INSR: variants seen among roughly 807,000 people sequenced by gnomAD.
The protein encoded by INSR is IR.
A neutral mutation model predicts 142.6 loss-of-function variants in INSR; 67 were observed. The ratio of observed to expected loss-of-function variants is 0.47; its 90% CI spans 0.39 to 0.58. INSR has a LOEUF of 0.58. Among genes scored for constraint, INSR ranks in the 20% least tolerant of loss-of-function variants. The probability of loss-of-function intolerance (pLI) is 0.00; values close to 1 mark genes in which losing one functional copy is unlikely to be tolerated. For synonymous variants in INSR, 756 were observed against 743.1 expected, an observed-to-expected ratio of 1.02 and a Z score of -0.28; for missense variants, 1,248 against 1,833.2, an observed-to-expected ratio of 0.68 and a Z score of 5.83.
At chr19:7,173,057 C>T (rs983797146) in intron 4 of INSR, among the ~76,000 whole-genome samples, 6 of 152,082 alleles carry the variant, frequency 3.9e-5, no homozygotes, top group African/African-American at 1.4e-4. Flanking sequence ...TGAGTGGTTA[C>T]GGCAGAGACT....
chr19:7,207,668 A>C (rs59765738), intron 2 of INSR, among the ~76,000 whole-genome samples: 59,197 of 151,136 alleles, frequency 0.39, 11,728 homozygotes, highest in East Asian at 0.45. Context: ...CACACCTGTA[A>C]TCCCAGCACT....
At chr19:7,167,897 A>C in intron 7 of INSR, 71 bp downstream of exon 7, 1 of 1,599,330 alleles carries the variant, frequency 6.3e-7, no homozygotes, top group Non-Finnish European at 8.6e-7. Flanking sequence ...GGCAGATTGG[A>C]GCACAAACGT....
chr19:7,163,581 GA>G (rs373717319), intron 8 of INSR, among the ~76,000 whole-genome samples: 9,695 of 144,698 alleles, frequency 0.067, 376 homozygotes, highest in Non-Finnish European at 0.086. Context: ...AAACAAAAAA[GA>G]AAAAAAAAAC....
chr19:7,284,143 C>T (rs1010290320), intron 1 of INSR, among the ~76,000 whole-genome samples: 4 of 152,046 alleles, frequency 2.6e-5, no homozygotes, highest in Non-Finnish European at 4.4e-5. Context: ...TGGCTCACTG[C>T]AACCTTCACC....
chr19:7,264,520 A>G (rs760665469), intron 2 of INSR, among the ~76,000 whole-genome samples: 3 of 152,198 alleles, frequency 2.0e-5, no homozygotes, highest in African/African-American at 4.8e-5. Flanking sequence ...CAAGCACTAC[A>G]TTTGGAAAAC....
chr19:7,138,329 A>C (rs562656148), intron 13 of INSR, among the ~76,000 whole-genome samples: 7 of 152,172 alleles, frequency 4.6e-5, no homozygotes, highest in African/African-American at 1.7e-4. Flanking sequence ...AGAGCATGTA[A>C]TTTTAACTTC....
At chr19:7,154,442 A>C (rs1025473609) in intron 9 of INSR, among the ~76,000 whole-genome samples, 1 of 148,376 alleles carries the variant, frequency 6.7e-6, no homozygotes, top group Non-Finnish European at 1.5e-5. Flanking sequence ...AGCTGGGACT[A>C]CAGGCGGCCG....
intron 1 of INSR, chr19:7,268,461 T>C (rs550688916): frequency 1.0e-6 from 1 of 985,336 alleles, no homozygotes; most frequent in African/African-American, 1.7e-5. Flanking sequence ...ATTGCCCAAA[T>C]GCCCTGAGTT....
chr19:7,230,117 G>A (rs938613106), intron 2 of INSR, among the ~76,000 whole-genome samples: 3 of 151,924 alleles, frequency 2.0e-5, no homozygotes, highest in Non-Finnish European at 4.4e-5. Context: ...TATTGTTCTC[G>A]GCCACATTCT....
At chr19:7,145,537 A>C (rs1040808833) in intron 11 of INSR, among the ~76,000 whole-genome samples, 3 of 152,164 alleles carry the variant, frequency 2.0e-5, no homozygotes, top group Admixed American at 2.0e-4. Context: ...GGGTCAACAA[A>C]ATTTTCCCGT....
chr19:7,190,369 GTTTTT>G (rs34757652), intron 2 of INSR, among the ~76,000 whole-genome samples: 1 of 102,714 alleles, frequency 9.7e-6, no homozygotes. Context: ...TTCTTTGGTG[GTTTTT>G]TTTTTTTTTT....
At chr19:7,250,559 TAAAG>T (rs1244867534) in intron 2 of INSR, among the ~76,000 whole-genome samples, 3 of 74,662 alleles carry the variant, frequency 4.0e-5, no homozygotes, top group East Asian at 5.4e-4. Flanking sequence ...AGGGAGGAAA[TAAAG>T]AAAAAGGAAG....
intron 1 of INSR, among the ~76,000 whole-genome samples, chr19:7,270,775 G>A (rs920297856): frequency 1.5e-4 from 22 of 149,454 alleles, no homozygotes; most frequent in Non-Finnish European, 2.1e-4. Context: ...AAAACACAAC[G>A]GCTGGGCGTG....
chr19:7,282,355 AC>A (rs1968226655), intron 1 of INSR, among the ~76,000 whole-genome samples: 1 of 148,898 alleles, frequency 6.7e-6, no homozygotes, highest in East Asian at 2.0e-4. Flanking sequence ...ACAGAGTGCG[AC>A]TCCATCTCAA....
chr19:7,204,957 G>A (rs921962459), intron 2 of INSR, among the ~76,000 whole-genome samples: 7 of 151,882 alleles, frequency 4.6e-5, no homozygotes, highest in Non-Finnish European at 5.9e-5. Context: ...GGTGGCGGGT[G>A]CCTGTCATCC....
intron 10 of INSR, 82 bp downstream of exon 10, chr19:7,152,644 C>A (rs1973402881): frequency 3.5e-6 from 4 of 1,153,862 alleles, no homozygotes; most frequent in Middle Eastern, 5.6e-4. Context: ...GGTCCCACTA[C>A]CTCTCGGTCC....
At chr19:7,254,028 CAA>C (rs59085878) in intron 2 of INSR, among the ~76,000 whole-genome samples, 6 of 125,164 alleles carry the variant, frequency 4.8e-5, no homozygotes, top group Non-Finnish European at 6.7e-5. Flanking sequence ...AACTCCATCT[CAA>C]AAAAAAAAAG....
At chr19:7,223,625 T>G (rs1007560170) in intron 2 of INSR, among the ~76,000 whole-genome samples, 7 of 152,224 alleles carry the variant, frequency 4.6e-5, no homozygotes, top group East Asian at 3.9e-4. Flanking sequence ...ATGTGCTGCT[T>G]CTTCATTGAA....
intron 2 of INSR, among the ~76,000 whole-genome samples, chr19:7,211,654 G>A (rs1975276424): frequency 6.6e-6 from 1 of 152,124 alleles, no homozygotes; most frequent in Non-Finnish European, 1.5e-5. Context: ...TTGACACAGG[G>A]ACAGAGTAAA....
Sources: gnomAD v4.1 joint callset for allele counts (sites outside exome capture counted in the v4.1 genomes callset) on GRCh38, gnomAD v4.1.1 for gene constraint, MANE v1.5 for transcripts, NCBI Gene and HGNC (gene_info 2026-07-23, HGNC 2026-07-21) for gene names.